KRIT1: variants seen among roughly 807,000 people sequenced by gnomAD.
KRIT1 encodes the protein KRIT1 ankyrin repeat containing.
In KRIT1, 45 loss-of-function variants were observed where a neutral mutation model predicts 95.8. The ratio of observed to expected loss-of-function variants is 0.47; its 90% CI spans 0.37 to 0.60. KRIT1 has a LOEUF of 0.60. Among genes scored for constraint, KRIT1 ranks in the 20% least tolerant of loss-of-function variants. KRIT1 has a pLI of 0.00. For missense variants in KRIT1, 788 were observed against 877.5 expected (o/e 0.90, Z 1.29); for synonymous variants, 282 against 278.8 (o/e 1.01, Z -0.11).
intron 15 of KRIT1, 115 bp from the exon 16 acceptor site, chr7:92,214,094 T>G (rs1382980593): frequency 1.4e-6 from 1 of 711,496 alleles, no homozygotes; most frequent in Non-Finnish European, 2.5e-6. Flanking sequence ...GAAAAATATT[T>G]TGCTGTAAAA....
chr7:92,214,552 T>C (rs1793553740), intron 15 of KRIT1, 59 bp downstream of exon 15: 2 of 1,289,052 alleles, frequency 1.6e-6, no homozygotes, highest in South Asian at 2.5e-5. Flanking sequence ...TTTTAAACTT[T>C]CTTGGTTAAA....
At chr7:92,208,845 G>A (rs1376484876) in intron 17 of KRIT1, among the ~76,000 whole-genome samples, 4 of 151,578 alleles carry the variant, frequency 2.6e-5, no homozygotes, top group Non-Finnish European at 4.4e-5. Context: ...CTCATTCAAC[G>A]AGGCCAGCAT....
At chr7:92,214,014 T>A in intron 15 of KRIT1, 35 bp from the exon 16 acceptor site, 1 of 1,206,412 alleles carries the variant, frequency 8.3e-7, no homozygotes, top group Non-Finnish European at 1.2e-6. Context: ...TTTAAATAAA[T>A]CATCTTTAGT....
intron 14 of KRIT1, among the ~76,000 whole-genome samples, chr7:92,215,862 C>T (rs565425269): frequency 3.7e-4 from 56 of 151,858 alleles, no homozygotes; most frequent in African/African-American, 1.1e-3. Flanking sequence ...ACAAAGTCAC[C>T]GGTTATAAAG....
chr7:92,226,386 T>C (rs1796213769), intron 11 of KRIT1, 140 bp downstream of exon 11: 2 of 704,096 alleles, frequency 2.8e-6, no homozygotes, highest in East Asian at 5.4e-5. Flanking sequence ...ACTCATATAT[T>C]CCGTTACTTA....
At chr7:92,244,464 G>C (rs892710706) in intron 2 of KRIT1, among the ~76,000 whole-genome samples, 24 of 152,074 alleles carry the variant, frequency 1.6e-4, no homozygotes, top group Non-Finnish European at 2.5e-4. Flanking sequence ...ACAGTATTTT[G>C]TTTTCTTAAA....
intron 10 of KRIT1, among the ~76,000 whole-genome samples, chr7:92,233,889 G>A (rs962783566): frequency 6.6e-6 from 1 of 152,060 alleles, no homozygotes; most frequent in African/African-American, 2.4e-5. Context: ...TATGTGAGAG[G>A]AGACCAAGAG....
At chr7:92,216,228 C>CAA (rs200120119) in intron 14 of KRIT1, among the ~76,000 whole-genome samples, 19 of 63,086 alleles carry the variant, frequency 3.0e-4, no homozygotes, top group Non-Finnish European at 4.1e-4. Context: ...GACTCCATCT[C>CAA]AAAAAAAAAA....
chr7:92,239,588 CT>C (rs1380038722), intron 5 of KRIT1, among the ~76,000 whole-genome samples: 5 of 152,064 alleles, frequency 3.3e-5, no homozygotes, highest in African/African-American at 1.2e-4. Flanking sequence ...CTCCCTCCAC[CT>C]TTTTAATAAG....
At chr7:92,204,371 T>C (rs2131152930) in intron 17 of KRIT1, among the ~76,000 whole-genome samples, 1 of 152,144 alleles carries the variant, frequency 6.6e-6, no homozygotes, top group South Asian at 2.1e-4. Flanking sequence ...ATCGGTTTCG[T>C]GGCAGACAAT....
chr7:92,213,153 CTATTA>C lies in KRIT1; in HGVS notation c.2025+37_2025+41del, dbSNP rs773920047. On this transcript the variant is annotated intron_variant, in intron 17 of 18. Transcript: ENST00000394505. The stretch of plus-strand genomic sequence containing the variant: ...ATGTAGGTTGGTACTGTTGTTTTAA[CTATTA>C]TATGACATGATTGGTAAAAAAGAGC... 4 of 1,359,660 alleles carry C rather than the reference CTATTA, an allele frequency of 2.9e-6. No homozygotes were observed. The Admixed American group carries it at 6.7e-5, about 23-fold the overall frequency. The allele number at this position is 1,359,660 out of a possible 1,614,324, so 84.2% of individuals were successfully genotyped here. A position where few individuals can be genotyped will look rare whatever the true frequency, so the allele number is the denominator to read the frequency against.
intron 6 of KRIT1, among the ~76,000 whole-genome samples, chr7:92,237,092 T>G (rs1798593369): frequency 1.3e-5 from 2 of 152,092 alleles, no homozygotes. Context: ...TGTCCCTATT[T>G]TACAAATAAA....
intron 14 of KRIT1, among the ~76,000 whole-genome samples, chr7:92,216,568 T>A (rs1348350756): frequency 6.6e-6 from 1 of 152,106 alleles, no homozygotes; most frequent in African/African-American, 2.4e-5. Flanking sequence ...GGAAATGTTA[T>A]TGTGGTAGGT....
intron 4 of KRIT1, 89 bp downstream of exon 4, chr7:92,241,945 C>G (rs1400991078): frequency 1.3e-6 from 1 of 798,612 alleles, no homozygotes; most frequent in African/African-American, 1.7e-5. Context: ...GTTAATACAA[C>G]TTTACAAGAT....
intron 17 of KRIT1, among the ~76,000 whole-genome samples, chr7:92,208,343 A>G (rs1367233956): frequency 1.3e-5 from 2 of 151,968 alleles, no homozygotes; most frequent in Non-Finnish European, 2.9e-5. Flanking sequence ...GAAAGAAATA[A>G]GAAAGATCAG....
chr7:92,240,607 GGAA>G (rs1259722490), intron 5 of KRIT1, among the ~76,000 whole-genome samples: 2 of 152,192 alleles, frequency 1.3e-5, no homozygotes, highest in East Asian at 3.9e-4. Flanking sequence ...TGACCAAATA[GGAA>G]GAAAACCTCT....
intron 4 of KRIT1, among the ~76,000 whole-genome samples, chr7:92,241,443 C>G (rs1040496355): frequency 6.6e-6 from 1 of 152,094 alleles, no homozygotes; most frequent in Non-Finnish European, 1.5e-5. Context: ...TAACAGGTTT[C>G]AGACAACCTT....
intron 5 of KRIT1, 30 bp downstream of exon 5, chr7:92,240,963 A>G (rs760358892): frequency 2.6e-5 from 40 of 1,519,616 alleles, no homozygotes; most frequent in Non-Finnish European, 3.7e-5. Flanking sequence ...TATTTTAAAC[A>G]ATGTGTTTTT....
rs556248700 is a variant in KRIT1 at position 92,211,877 on chromosome 7, G to A, written c.2025+1318C>T. Among the ~76,000 whole-genome samples the A allele has an allele frequency of 1.4e-4, 22 of 152,092 alleles. No individual in the cohort carries two copies. In the South Asian group the frequency reaches 4.6e-3, roughly 32 times the overall value. On this transcript the variant is annotated intron_variant, in intron 17 of 18. Transcript: ENST00000394505. ...GGAAGCTGAGGCAGGAGGATCATTT[G>A]AGGCCAGGAGTTTGAGACCAAACTG... is the stretch of plus-strand genomic sequence containing the variant.
Sources: allele counts gnomAD v4.1 joint callset (sites outside exome capture counted in the v4.1 genomes callset), GRCh38; gene constraint gnomAD v4.1.1; transcripts MANE v1.5; gene names NCBI Gene and HGNC (gene_info 2026-07-23, HGNC 2026-07-21).